Variants in CD109 observed in about 807,000 individuals in gnomAD.
CD109 encodes CD109 molecule.
In CD109, 149 loss-of-function variants were observed where a neutral mutation model predicts 165.8. The observed-to-expected ratio is 0.90, with a 90% confidence interval of 0.79 to 1.03. The LOEUF (loss-of-function observed/expected upper bound fraction) is 1.03, where lower values mean the gene tolerates loss of function less well. CD109 is among the 50% of genes least tolerant of loss of function. CD109 has a pLI of 0.00. For missense variants in CD109, 1,712 were observed against 1,677.8 expected (o/e 1.02, Z -0.36); for synonymous variants, 585 against 592.1 (o/e 0.99, Z 0.18).
At chr6:73,756,011 G>A (rs1773375948) in intron 5 of CD109, among the ~76,000 whole-genome samples, 1 of 151,838 alleles carries the variant, frequency 6.6e-6, no homozygotes, top group Admixed American at 6.6e-5. Context: ...AATATGAAGA[G>A]TTAGATAAAT....
rs376224531 is a variant in CD109 at position 73,792,841 on chromosome 6, A to T, written c.2878+39A>T. The T allele has an allele frequency of 4.5e-5, 70 of 1,554,704 alleles. No individual in the cohort carries two copies. The Middle Eastern group carries it at 1.6e-3, about 36-fold the overall frequency. On this transcript the variant is annotated intron_variant, in intron 23 of 32. Transcript: ENST00000287097. ...AGACCTACATTTGTTCGTAGAAAAA[A>T]ATTTGTTTTTTTCAGGTAGGGTTCA...
intron 25 of CD109, among the ~76,000 whole-genome samples, 180 bp downstream of exon 25, chr6:73,807,252 A>G (rs576240035): frequency 6.6e-6 from 1 of 152,218 alleles, no homozygotes; most frequent in Non-Finnish European, 1.5e-5. Flanking sequence ...AGAATAAAAC[A>G]TTAACCCACT....
upstream of CD109, among the ~76,000 whole-genome samples, chr6:73,691,986 AG>A (rs751655134): frequency 2.0e-5 from 3 of 152,276 alleles, no homozygotes; most frequent in East Asian, 5.8e-4. Context: ...GTATGGCAGA[AG>A]GGGCTGATGT....
rs1772318099 is a variant in CD109, at chr6:73,730,387, C to G, written c.320C>G (p.Thr107Ser). The G allele has an allele frequency of 6.2e-7, 1 of 1,613,962 alleles. No homozygotes were observed. The highest frequency in any genetic ancestry group is 8.5e-7 in the Non-Finnish European group (1 of 1,179,862). The part of the protein sequence containing the change: ...SADEIYELRV[T>S]GRTQDEILFS... ...GATGAGATTTATGAGCTACGTGTAA[C>G]CGGACGTACCCAGGATGAGATTTTA... The change falls in exon 4 of 33, where the codon ACC (threonine) becomes AGC (serine). Residue 107 changes from threonine (T) to serine (S), a missense_variant. Transcript: ENST00000287097.
rs777905127 is a variant in CD109 at position 73,762,426 on chromosome 6, A to G, written c.801A>G (p.Thr267=). 5.6e-6 allele frequency: 9 copies of G among 1,612,340 alleles called. No individual in the cohort carries two copies. The highest frequency in any genetic ancestry group is 1.3e-5 in the African/African-American group (1 of 74,904). ...GKPVKGDVTL[T]FLPLSFWGKK... is the part of the protein sequence containing the mutation. Reference sequence around the variant, plus strand: ...CAGTGAAAGGAGACGTAACGCTTACATTTTTACCTTTATCCTTTTGGGGAA... The same window carrying G: ...CAGTGAAAGGAGACGTAACGCTTACGTTTTTACCTTTATCCTTTTGGGGAA... Residue 267 remains threonine, a synonymous_variant, in exon 8 of 33, where the codon ACA becomes ACG. Transcript: ENST00000287097.
intron 22 of CD109, among the ~76,000 whole-genome samples, chr6:73,791,649 A>G (rs772845757): frequency 5.9e-5 from 9 of 152,160 alleles, no homozygotes; most frequent in Non-Finnish European, 1.3e-4. Context: ...TTAAAGACCT[A>G]TTTTGTATCC....
chr6:73,732,986 G>A (rs543954637), intron 4 of CD109, among the ~76,000 whole-genome samples: 3 of 152,230 alleles, frequency 2.0e-5, no homozygotes, highest in East Asian at 1.9e-4. Context: ...TGAGTGAGGG[G>A]TGGCCATGCT....
chr6:73,820,375 TA>T, intron 31 of CD109, 85 bp from the exon 32 acceptor site: 1 of 689,560 alleles, frequency 1.5e-6, no homozygotes. Flanking sequence ...CTCTGTTTCC[TA>T]AAATGATGAG....
At chr6:73,681,676 C>T in the CD109 span, among the ~76,000 whole-genome samples, 1 of 151,912 alleles carries the variant, frequency 6.6e-6, no homozygotes, top group Non-Finnish European at 1.5e-5. Flanking sequence ...AATCTGGGCT[C>T]ACTACAACTT....
intron 5 of CD109, among the ~76,000 whole-genome samples, chr6:73,740,865 A>G (rs1302996689): frequency 2.6e-5 from 4 of 152,092 alleles, no homozygotes; most frequent in African/African-American, 9.7e-5. Flanking sequence ...TGCTGGGATT[A>G]CAGGCATGAG....
Position 73,818,441 on chromosome 6 carries a change from G to A in CD109, c.3965G>A (p.Ser1322Asn), listed in dbSNP as rs1463867412. 1 of 1,613,838 alleles carries A rather than the reference G, an allele frequency of 6.2e-7. No homozygotes were observed. Among genetic ancestry groups the A allele is most frequent in the Admixed American group, 1.7e-5 (1 of 59,944 alleles). Residue 1322 changes from serine (S) to asparagine (N), a missense_variant, in exon 31 of 33, where the codon AGT becomes AAT. Physicochemically the swap from Ser to Asn is conservative, Grantham distance 46. Transcript: ENST00000287097. ...GMALMEVNLL[S>N]GFMVPSEAIS... ...GCTCTTATGGAAGTTAACCTATTAAGTGGCTTTATGGTGCCTTCAGAAGCA... is the reference window on the plus strand; with the variant it reads ...GCTCTTATGGAAGTTAACCTATTAAATGGCTTTATGGTGCCTTCAGAAGCA...
intron 5 of CD109, among the ~76,000 whole-genome samples, chr6:73,756,356 G>A (rs1436170269): frequency 6.6e-6 from 1 of 152,114 alleles, no homozygotes; most frequent in Non-Finnish European, 1.5e-5. Flanking sequence ...AATGATGGAA[G>A]TCAGATTAAG....
In CD109 at chr6:73,766,790, C is replaced by T. The variant is rs1243133111; in HGVS notation, c.1364C>T (p.Ala455Val). The change falls in exon 12 of 33, where the codon GCA becomes GTA. Residue 455 changes from alanine to valine, a missense_variant. By Grantham distance (64) the Ala-to-Val change is moderately conservative. Transcript: ENST00000287097. ...TTCCTTGGTAGTAAAAGTAGCATGGCAGTTCATAGTCTGTTTAAGTCTCCT... is the reference window on the plus strand; with the variant it reads ...TTCCTTGGTAGTAAAAGTAGCATGGTAGTTCATAGTCTGTTTAAGTCTCCT... Reference protein sequence around the residue: ...AYFLGSKSSMAVHSLFKSPSK... With the variant: ...AYFLGSKSSMVVHSLFKSPSK... 1.9e-6 allele frequency: 3 copies of T among 1,612,472 alleles called. No homozygotes were observed. In the South Asian group the frequency reaches 3.3e-5, roughly 18 times the overall value.
chr6:73,684,758 C>T, the CD109 span, among the ~76,000 whole-genome samples: 55 of 152,132 alleles, frequency 3.6e-4, no homozygotes, highest in Non-Finnish European at 7.4e-4. Flanking sequence ...AATCATAGCT[C>T]ACGGTAACCT....
chr6:73,704,152 C>T (rs1303802970), intron 2 of CD109, among the ~76,000 whole-genome samples: 1 of 150,396 alleles, frequency 6.6e-6, no homozygotes, highest in Non-Finnish European at 1.5e-5. Context: ...TGCACTCCAG[C>T]CTGGGTGACA....
chr6:73,723,534 C>T (rs1018835107), intron 3 of CD109, among the ~76,000 whole-genome samples: 2 of 152,146 alleles, frequency 1.3e-5, no homozygotes, highest in East Asian at 1.9e-4. Flanking sequence ...CTGGCCTGGA[C>T]TATTAGCACA....
chr6:73,761,621 C>T (rs1773635193), intron 7 of CD109, among the ~76,000 whole-genome samples: 1 of 152,084 alleles, frequency 6.6e-6, no homozygotes, highest in South Asian at 2.1e-4. Flanking sequence ...CTCCTGGGTT[C>T]AAACAGTTCT....
chr6:73,810,406 TCTC>T lies in CD109; in HGVS notation c.3546+236_3546+238del, dbSNP rs142278210. On this transcript the variant is annotated intron_variant, in intron 27 of 32. Coordinates refer to ENST00000287097, the MANE Select transcript of CD109 (RefSeq NM_133493.5). Reference sequence around the variant, plus strand: ...CTAAATTGATTAATTTTAATTTTTTTCTCCTCATTACTATGAATTTCATGTCTG... The same window carrying T: ...CTAAATTGATTAATTTTAATTTTTTTCTCATTACTATGAATTTCATGTCTG... Among the ~76,000 whole-genome samples, 815 of 151,858 alleles carry T rather than the reference TCTC, an allele frequency of 5.4e-3. 5 individuals are homozygous for T. The highest frequency in any genetic ancestry group is 7.5e-3 in the Non-Finnish European group (508 of 67,908).
At chr6:73,681,038 C>T in the CD109 span, among the ~76,000 whole-genome samples, 1 of 152,138 alleles carries the variant, frequency 6.6e-6, no homozygotes, top group African/African-American at 2.4e-5. Context: ...GAATACACAG[C>T]ACAGGAAAGG....
Sources: gnomAD v4.1 joint callset for allele counts (sites outside exome capture counted in the v4.1 genomes callset) on GRCh38, gnomAD v4.1.1 for gene constraint, MANE v1.5 for transcripts, NCBI Gene and HGNC (gene_info 2026-07-23, HGNC 2026-07-21) for gene names.